Variants in TBX5 observed in about 807,000 individuals in gnomAD.
TBX5 encodes T-box transcription factor TBX5.
In TBX5, 8 loss-of-function variants were observed where a neutral mutation model predicts 51.1. The ratio of observed to expected loss-of-function variants is 0.16; its 90% CI spans 0.09 to 0.28. TBX5 has a LOEUF of 0.28. Ranked by LOEUF, TBX5 falls within the 10% of genes least tolerant of loss-of-function variation. The probability of loss-of-function intolerance (pLI) is 1.00; values close to 1 mark genes in which losing one functional copy is unlikely to be tolerated. For synonymous variants in TBX5, 302 were observed against 266.4 expected (o/e 1.13, Z -1.30); for missense variants, 589 against 671.7 (o/e 0.88, Z 1.36).
At chr12:114,362,789 T>TG (rs1342243153) in intron 8 of TBX5, among the ~76,000 whole-genome samples, 1 of 152,094 alleles carries the variant, frequency 6.6e-6, no homozygotes, top group Non-Finnish European at 1.5e-5. Flanking sequence ...CTCAGCCTCC[T>TG]GGGTTGGCTA....
chr12:114,355,276 T>TG lies in TBX5; in HGVS notation c.*255dup, dbSNP rs1868811681. The TG allele has an allele frequency of 3.8e-6, 2 of 526,690 alleles. No individual in the cohort carries two copies. The highest frequency in any genetic ancestry group is 3.6e-5 in the South Asian group (2 of 55,920). 32.6% of individuals were successfully genotyped at this position (526,690 alleles called of 1,614,324 possible). A position where few individuals can be genotyped will look rare whatever the true frequency, so the allele number is the denominator to read the frequency against. On this transcript the variant is annotated 3_prime_UTR_variant, in exon 9 of 9. Coordinates refer to ENST00000405440, the MANE Select transcript of TBX5 (RefSeq NM_181486.4). ...GGCTGGTTGATGGGTGTGGTGGTAG[T>TG]GGGGGGTGGGACTCATCTTTTTGTG... is the stretch of plus-strand genomic sequence containing the variant.
At chr12:114,373,394 A>G (rs1870023857) in intron 7 of TBX5, among the ~76,000 whole-genome samples, 1 of 152,210 alleles carries the variant, frequency 6.6e-6, no homozygotes, top group Non-Finnish European at 1.5e-5. Flanking sequence ...TACAGACAAC[A>G]AAGGACAATT....
intron 7 of TBX5, among the ~76,000 whole-genome samples, chr12:114,374,817 T>A (rs530637894): frequency 1.3e-5 from 2 of 152,218 alleles, no homozygotes; most frequent in South Asian, 4.2e-4. Context: ...CACACTGTAG[T>A]GTTTGGGGTA....
intron 5 of TBX5, among the ~76,000 whole-genome samples, chr12:114,397,968 C>G (rs1406737750): frequency 6.6e-6 from 1 of 152,138 alleles, no homozygotes; most frequent in Admixed American, 6.5e-5. Context: ...TCATTGTGGT[C>G]CAGCCTCTGT....
At chr12:114,372,503 G>T (rs1869966981) in intron 7 of TBX5, among the ~76,000 whole-genome samples, 1 of 151,418 alleles carries the variant, frequency 6.6e-6, no homozygotes, top group African/African-American at 2.4e-5. Context: ...TAGAGATGGG[G>T]TCTTGCTATA....
intron 7 of TBX5, among the ~76,000 whole-genome samples, chr12:114,376,568 A>T (rs1870201268): frequency 6.6e-6 from 1 of 151,942 alleles, no homozygotes. Context: ...ATTCCTGGAG[A>T]GCTAACGTAC....
intron 6 of TBX5, among the ~76,000 whole-genome samples, chr12:114,390,885 G>A (rs1335569089): frequency 6.6e-6 from 1 of 152,194 alleles, no homozygotes; most frequent in African/African-American, 2.4e-5. Context: ...ACGTCGCTGG[G>A]GAAGATTTGA....
At chr12:114,405,567 C>A (rs1872158819) in intron 1 of TBX5, 61 bp downstream of exon 1, 2 of 361,308 alleles carry the variant, frequency 5.5e-6, no homozygotes, top group Non-Finnish European at 7.7e-6. Flanking sequence ...CCCGCCGCCC[C>A]AGCCGACTCG....
chr12:114,396,097 C>A (rs995194657), intron 5 of TBX5, among the ~76,000 whole-genome samples: 1 of 152,140 alleles, frequency 6.6e-6, no homozygotes, highest in African/African-American at 2.4e-5. Context: ...CTTGGACCAA[C>A]CCTGGAGTCC....
upstream of TBX5, among the ~76,000 whole-genome samples, chr12:114,406,568 C>T (rs907434083): frequency 5.9e-5 from 9 of 152,114 alleles, no homozygotes; most frequent in Non-Finnish European, 1.2e-4. Context: ...CGCTCGCCTT[C>T]CTGACATCTC....
At chr12:114,358,797 G>GTTTT in intron 8 of TBX5, among the ~76,000 whole-genome samples, 1 of 151,920 alleles carries the variant, frequency 6.6e-6, no homozygotes, top group East Asian at 1.9e-4. Context: ...TTGTTTGTTT[G>GTTTT]TTTGTTTGTT....
intron 7 of TBX5, among the ~76,000 whole-genome samples, chr12:114,370,292 G>GAAAAGAAAAGAAAA (rs1869809307): frequency 3.6e-5 from 1 of 28,126 alleles, no homozygotes; most frequent in African/African-American, 1.2e-4. Context: ...AGAAAAGAAA[G>GAAAAGAAAAGAAAA]AAAAGAAAAG....
At chr12:114,383,525 T>G (rs1870631293) in intron 7 of TBX5, among the ~76,000 whole-genome samples, 1 of 152,146 alleles carries the variant, frequency 6.6e-6, no homozygotes, top group South Asian at 2.1e-4. Flanking sequence ...GACTTGGACA[T>G]GTTCTCCACT....
intron 4 of TBX5, 73 bp from the exon 5 acceptor site, chr12:114,398,793 C>T: frequency 6.5e-7 from 1 of 1,536,648 alleles, no homozygotes; most frequent in Non-Finnish European, 8.8e-7. Flanking sequence ...AAGCGTGCTT[C>T]AGTTCACGCA....
intron 5 of TBX5, 149 bp from the exon 6 acceptor site, chr12:114,395,042 G>T: frequency 1.3e-6 from 1 of 787,702 alleles, no homozygotes. Flanking sequence ...AGGGGCCAGG[G>T]ATTTCATTAA....
Position 114,374,582 on chromosome 12 carries a change from C to T in TBX5, c.756-8191G>A, listed in dbSNP as rs10850333. Among the ~76,000 whole-genome samples, 2,672 of 152,128 alleles carry T rather than the reference C, an allele frequency of 0.018. 331 individuals carry two copies. The East Asian group carries it at 0.35, about 20-fold the overall frequency. On this transcript the variant is annotated intron_variant, in intron 7 of 8. Transcript: ENST00000405440. ...GTGAAAAAAGTCAGGACATTGATTG[C>T]CTCTGGTGAAGAGAAGGAGGCAGGG...
chr12:114,397,911 C>T (rs1871527309), intron 5 of TBX5, among the ~76,000 whole-genome samples: 1 of 152,132 alleles, frequency 6.6e-6, no homozygotes, highest in East Asian at 1.9e-4. Flanking sequence ...TGGAACATCC[C>T]AAAATTAAGG....
At chr12:114,391,130 G>T (rs1895611) in intron 6 of TBX5, among the ~76,000 whole-genome samples, 88,344 of 151,974 alleles carry the variant, frequency 0.58, 26,287 homozygotes, top group Admixed American at 0.72. Flanking sequence ...CCATAAAAAC[G>T]GTGGCCCTTA....
chr12:114,378,250 C>A (rs187446452), intron 7 of TBX5, among the ~76,000 whole-genome samples: 16 of 152,244 alleles, frequency 1.1e-4, no homozygotes, highest in Admixed American at 1.0e-3. Context: ...GTGAGGTGAG[C>A]TAAGAAATAC....
Sources: allele counts gnomAD v4.1 joint callset (sites outside exome capture counted in the v4.1 genomes callset), GRCh38; gene constraint gnomAD v4.1.1; transcripts MANE v1.5; gene names NCBI Gene and HGNC (gene_info 2026-07-23, HGNC 2026-07-21).